The following THRB variants were observed in gnomAD, a reference collection of about 807,000 sequenced individuals.
THRB encodes nuclear receptor subfamily 1 group A member 2.
THRB carries 12 observed loss-of-function variants against 47.8 expected under a neutral mutation model. The ratio of observed to expected loss-of-function variants is 0.25; its 90% confidence interval spans 0.16 to 0.41. The LOEUF is 0.41. Among genes scored for constraint, THRB ranks in the 10% least tolerant of loss-of-function variants. The probability of loss-of-function intolerance (pLI) is 1.00; values close to 1 mark genes in which losing one functional copy is unlikely to be tolerated. For missense variants in THRB, 348 were observed against 589.2 expected, an observed-to-expected ratio of 0.59 and a Z score of 4.24; for synonymous variants, 218 against 212.2, an observed-to-expected ratio of 1.03 and a Z score of -0.24.
chr3:24,237,301 G>A (rs1263381431), intron 3 of THRB, among the ~76,000 whole-genome samples: 1 of 152,146 alleles, frequency 6.6e-6, no homozygotes, highest in Non-Finnish European at 1.5e-5. Context: ...AGATTTTCAG[G>A]CAGTCTCTGT....
intron 1 of THRB, among the ~76,000 whole-genome samples, chr3:24,339,094 T>C (rs1045763126): frequency 2.0e-5 from 3 of 152,178 alleles, no homozygotes; most frequent in East Asian, 3.8e-4. Context: ...ATATACACCA[T>C]TACCCCTGAC....
chr3:24,336,991 A>G (rs2062304801), intron 2 of THRB, among the ~76,000 whole-genome samples: 1 of 152,090 alleles, frequency 6.6e-6, no homozygotes, highest in Non-Finnish European at 1.5e-5. Flanking sequence ...CTCAAGGAAA[A>G]GACACATGGG....
chr3:24,280,734 G>A (rs1483024933), intron 3 of THRB, among the ~76,000 whole-genome samples: 1 of 152,014 alleles, frequency 6.6e-6, no homozygotes, highest in Non-Finnish European at 1.5e-5. Flanking sequence ...ATACAGAGAA[G>A]TGCTTAAAGG....
intron 1 of THRB, among the ~76,000 whole-genome samples, chr3:24,353,414 G>C (rs1008946760): frequency 6.6e-6 from 1 of 152,074 alleles, no homozygotes. Context: ...CATTTGACAA[G>C]GAAATGAAGG....
chr3:24,480,214 G>A (rs1696158166), intron 1 of THRB, among the ~76,000 whole-genome samples: 1 of 152,198 alleles, frequency 6.6e-6, no homozygotes, highest in Non-Finnish European at 1.5e-5. Flanking sequence ...AGCCCAAACT[G>A]ATGGTCAGTC....
At chr3:24,258,128 A>C in intron 3 of THRB, among the ~76,000 whole-genome samples, 1 of 152,214 alleles carries the variant, frequency 6.6e-6, no homozygotes, top group Non-Finnish European at 1.5e-5. Flanking sequence ...ATGAGGTGAA[A>C]GGAAGCATGC....
At chr3:24,196,577 T>C (rs1032982485) in intron 4 of THRB, among the ~76,000 whole-genome samples, 4 of 152,144 alleles carry the variant, frequency 2.6e-5, no homozygotes, top group Non-Finnish European at 5.9e-5. Flanking sequence ...ACATGATTTT[T>C]AAAGAGCATT....
At chr3:24,378,095 GA>G (rs112536334) in intron 1 of THRB, among the ~76,000 whole-genome samples, 1 of 152,182 alleles carries the variant, frequency 6.6e-6, no homozygotes, top group African/African-American at 2.4e-5. Flanking sequence ...GGGCTCCTGA[GA>G]AATTCACTGT....
intron 3 of THRB, among the ~76,000 whole-genome samples, chr3:24,253,076 G>C (rs925065829): frequency 2.0e-5 from 3 of 151,918 alleles, no homozygotes; most frequent in African/African-American, 7.3e-5. Flanking sequence ...TAAAGGTGGG[G>C]GAAAGAAAGA....
chr3:24,279,299 T>C lies in THRB; in HGVS notation c.-43+17927A>G, dbSNP rs77075923. 2.0e-3 allele frequency among the ~76,000 whole-genome samples: 306 copies of C among 152,256 alleles called. 1 individual carries two copies. Among genetic ancestry groups the C allele is most frequent in the African/African-American group, 7.2e-3 (298 of 41,562 alleles). ...CTAATATTGAAAAACACCTGGAAAG[T>C]TCATGAGAGAGAAGTGAATCAGTGA... On this transcript the variant is annotated intron_variant, in intron 3 of 10. Coordinates refer to ENST00000646209, the MANE Select transcript of THRB (RefSeq NM_001354712.2).
At chr3:24,376,970 C>T (rs2065341504) in intron 1 of THRB, among the ~76,000 whole-genome samples, 1 of 152,074 alleles carries the variant, frequency 6.6e-6, no homozygotes, top group Non-Finnish European at 1.5e-5. Flanking sequence ...CAGGGTCTCA[C>T]TCTGTCACTT....
chr3:24,488,853 G>A (rs1026579489), intron 1 of THRB, among the ~76,000 whole-genome samples: 1 of 151,954 alleles, frequency 6.6e-6, no homozygotes, highest in African/African-American at 2.4e-5. Context: ...ATCACAGAGG[G>A]TTTTCGTTAA....
At chr3:24,478,110 T>G (rs918671319) in intron 1 of THRB, among the ~76,000 whole-genome samples, 25 of 152,154 alleles carry the variant, frequency 1.6e-4, no homozygotes, top group African/African-American at 6.0e-4. Flanking sequence ...ATTTCATAAT[T>G]CTAAACGATA....
chr3:24,413,980 T>C (rs965884789), intron 1 of THRB, among the ~76,000 whole-genome samples: 5 of 151,914 alleles, frequency 3.3e-5, no homozygotes, highest in African/African-American at 1.2e-4. Context: ...AGTTTGTTAC[T>C]GTTAATTGAG....
intron 1 of THRB, among the ~76,000 whole-genome samples, chr3:24,424,044 C>T (rs958474998): frequency 2.6e-5 from 4 of 151,972 alleles, no homozygotes; most frequent in Admixed American, 2.0e-4. Flanking sequence ...AAGAGGACTT[C>T]AGTTTTTTAA....
At chr3:24,494,092 C>T (rs1447179647) in intron 1 of THRB, 1 of 152,690 alleles carries the variant, frequency 6.5e-6, no homozygotes, top group Non-Finnish European at 1.5e-5. Flanking sequence ...AGCCCAGTCG[C>T]CAGGCACCGG....
chr3:24,434,825 T>C (rs1021548398), intron 1 of THRB, among the ~76,000 whole-genome samples: 1 of 152,176 alleles, frequency 6.6e-6, no homozygotes, highest in African/African-American at 2.4e-5. Flanking sequence ...GTGTTTGGCA[T>C]GTCATGGGGA....
chr3:24,380,110 G>A (rs1172555526), intron 1 of THRB, among the ~76,000 whole-genome samples: 1 of 148,208 alleles, frequency 6.7e-6, no homozygotes, highest in East Asian at 2.0e-4. Context: ...ATTAATAATT[G>A]TTCTGGAACA....
intron 5 of THRB, among the ~76,000 whole-genome samples, chr3:24,159,290 C>A (rs1333694361): frequency 6.6e-6 from 1 of 151,710 alleles, no homozygotes; most frequent in Admixed American, 6.5e-5. Context: ...TACTGCTCTC[C>A]CTGCAGGTGT....
Sources: gnomAD v4.1 joint callset for allele counts (sites outside exome capture counted in the v4.1 genomes callset) on GRCh38, gnomAD v4.1.1 for gene constraint, MANE v1.5 for transcripts, NCBI Gene and HGNC (gene_info 2026-07-23, HGNC 2026-07-21) for gene names.